LGALS9: variants seen among roughly 807,000 people sequenced by gnomAD.
LGALS9 encodes galectin 9, also known as galectin-9.
A neutral mutation model predicts 35.9 loss-of-function variants in LGALS9; 26 were observed. That is an observed-to-expected ratio of 0.72 (90% CI 0.53 to 1.01). The LOEUF (loss-of-function observed/expected upper bound fraction) is 1.01, where lower values mean the gene tolerates loss of function less well. LGALS9 is among the 50% of genes least tolerant of loss of function. The pLI is 0.00. For synonymous variants in LGALS9, 149 were observed against 172.2 expected (o/e 0.87, Z 1.06); for missense variants, 347 against 445.8 (o/e 0.78, Z 1.99).
chr17:27,643,505 G>C lies in LGALS9; in HGVS notation c.445-20G>C, dbSNP rs772413950. ...CTATTAATGCTTCTCCTCACTGCCC[G>C]GTGCCTTTTGTTTTAACAGAACCCC... On this transcript the variant is annotated intron_variant, in intron 4 of 10. Transcript: ENST00000395473. The C allele has an allele frequency of 5.0e-6, 8 of 1,611,358 alleles. No homozygotes were observed. Among genetic ancestry groups the C allele is most frequent in the Non-Finnish European group, 6.8e-6 (8 of 1,179,526 alleles).
In LGALS9 at chr17:27,647,474, T is replaced by C. The variant is rs184397623; in HGVS notation, c.921+42T>C. On this transcript the variant is annotated intron_variant, in intron 10 of 10. Transcript: ENST00000395473. Reference sequence around the variant, plus strand: ...TGGAGCTTGGAGAGGCTCCCATGGGTGCACAGGGGGAGGGGGTAAAGGAGG... The same window carrying C: ...TGGAGCTTGGAGAGGCTCCCATGGGCGCACAGGGGGAGGGGGTAAAGGAGG... The C allele has an allele frequency of 5.8e-5, 94 of 1,611,658 alleles. No homozygotes were observed. The East Asian group carries it at 1.2e-3, about 21-fold the overall frequency.
At chr17:27,646,467 T>C in intron 7 of LGALS9, 80 bp from the exon 8 acceptor site, 3 of 1,605,920 alleles carry the variant, frequency 1.9e-6, no homozygotes, top group Non-Finnish European at 2.6e-6. Context: ...GAGTCCTCTC[T>C]AGAACGCGTG....
At chr17:27,641,168 A>G in intron 3 of LGALS9, 1 of 368,260 alleles carries the variant, frequency 2.7e-6, no homozygotes, top group East Asian at 7.1e-5. Context: ...TAGTTTTGTA[A>G]GCACATTGCA....
Position 27,649,429 on chromosome 17 carries a change from C to T in LGALS9, c.*447C>T, listed in dbSNP as rs1003399738. 3 of 221,068 alleles carry T rather than the reference C, an allele frequency of 1.4e-5. No individual in the cohort carries two copies. The highest frequency in any genetic ancestry group is 2.7e-5 in the Non-Finnish European group (3 of 109,128). 13.7% of individuals were successfully genotyped at this position (221,068 alleles called of 1,614,324 possible). A position where few individuals can be genotyped will look rare whatever the true frequency, so the allele number is the denominator to read the frequency against. ...CCTTGCACCGTGCACCAACCCTTCACCCCTCCTGGAAAGCAGGCCTGATGG... is the reference window on the plus strand; with the variant it reads ...CCTTGCACCGTGCACCAACCCTTCATCCCTCCTGGAAAGCAGGCCTGATGG... On this transcript the variant is annotated 3_prime_UTR_variant, in exon 11 of 11. Coordinates refer to ENST00000395473, the MANE Select transcript of LGALS9 (RefSeq NM_009587.3).
At chr17:27,640,842 A>T in intron 3 of LGALS9, 69 bp downstream of exon 3, 1 of 1,592,808 alleles carries the variant, frequency 6.3e-7, no homozygotes, top group Non-Finnish European at 8.6e-7. Flanking sequence ...ATGGCCTTTA[A>T]GTAATCACCT....
intron 7 of LGALS9, 68 bp from the exon 8 acceptor site, chr17:27,646,479 G>T (rs530405181): frequency 6.1e-5 from 99 of 1,609,906 alleles, no homozygotes; most frequent in South Asian, 2.2e-4. Flanking sequence ...GAACGCGTGG[G>T]TGCGCCTGGG....
At chr17:27,646,861 C>T (rs1031162791) in intron 8 of LGALS9, among the ~76,000 whole-genome samples, 169 bp from the exon 9 acceptor site, 1 of 152,180 alleles carries the variant, frequency 6.6e-6, no homozygotes, top group African/African-American at 2.4e-5. Context: ...TTTCATGACA[C>T]TAATCTAAGC....
At chr17:27,632,535 G>T (rs999223258) in intron 1 of LGALS9, among the ~76,000 whole-genome samples, 1 of 152,248 alleles carries the variant, frequency 6.6e-6, no homozygotes, top group Non-Finnish European at 1.5e-5. Context: ...GCACAGAGGG[G>T]GCTGGGGGAA....
intron 1 of LGALS9, among the ~76,000 whole-genome samples, chr17:27,634,330 C>G (rs1342260841): frequency 6.6e-6 from 1 of 152,196 alleles, no homozygotes; most frequent in African/African-American, 2.4e-5. Flanking sequence ...AGGAGGATCT[C>G]CTTAATCCAG....
chr17:27,631,199 C>G lies in LGALS9; in HGVS notation c.-67C>G. On this transcript the variant is annotated 5_prime_UTR_variant, in exon 1 of 11. Coordinates refer to ENST00000395473, the MANE Select transcript of LGALS9 (RefSeq NM_009587.3). ...TTTGGTTTCTATTTCTTTGTTAAGT[C>G]GTTCCCTCTACAAAGGACTTCCTAG... 2 of 1,607,580 alleles carry G rather than the reference C, an allele frequency of 1.2e-6. No homozygotes were observed. The highest frequency in any genetic ancestry group is 1.7e-6 in the Non-Finnish European group (2 of 1,175,492).
At chr17:27,646,487 G>T (rs1219553911) in intron 7 of LGALS9, 60 bp from the exon 8 acceptor site, 2 of 1,611,276 alleles carry the variant, frequency 1.2e-6, no homozygotes, top group Non-Finnish European at 8.5e-7. Flanking sequence ...GGGTGCGCCT[G>T]GGTGAGTGCT....
intron 7 of LGALS9, among the ~76,000 whole-genome samples, 155 bp downstream of exon 7, chr17:27,646,066 A>G (rs1233162620): frequency 1.3e-5 from 2 of 152,212 alleles, no homozygotes; most frequent in African/African-American, 4.8e-5. Context: ...ACATGTGGCT[A>G]AAGCTGTCCT....
At position 27,640,698 on chromosome 17, in the gene LGALS9, G is replaced by A. The variant is rs765788746; in HGVS notation, c.258G>A (p.Glu86=). 7 of 1,614,130 alleles carry A rather than the reference G, an allele frequency of 4.3e-6. No individual in the cohort carries two copies. The Admixed American group carries it at 1.2e-4, about 27-fold the overall frequency. Residue 86 remains glutamate, a synonymous_variant, in exon 3 of 11, where the codon GAG becomes GAA. Transcript: ENST00000395473. The part of the protein sequence containing the change: ...TRQNGSWGPE[E]RKTHMPFQKG... ...AGAACGGAAGCTGGGGGCCCGAGGAGAGGAAGACACACATGCCTTTCCAGA... is the reference window on the plus strand; with the variant it reads ...AGAACGGAAGCTGGGGGCCCGAGGAAAGGAAGACACACATGCCTTTCCAGA...
chr17:27,642,102 C>T (rs779182570), intron 3 of LGALS9, 136 bp from the exon 4 acceptor site: 270 of 1,498,152 alleles, frequency 1.8e-4, no homozygotes, highest in Non-Finnish European at 2.3e-4. Flanking sequence ...GGGTCACACA[C>T]ACGTTCCTGT....
intron 3 of LGALS9, 131 bp downstream of exon 3, chr17:27,640,904 C>A (rs1904444718): frequency 7.2e-7 from 1 of 1,390,702 alleles, no homozygotes; most frequent in Non-Finnish European, 1.0e-6. Context: ...ACGCTCATTT[C>A]CTTGTGAGGT....
chr17:27,631,301 T>C lies in LGALS9; in HGVS notation c.36T>C (p.Ser12=), dbSNP rs766241939. The C allele has an allele frequency of 4.3e-6, 7 of 1,613,950 alleles. No individual in the cohort carries two copies. In the African/African-American group the frequency reaches 6.7e-5, roughly 15 times the overall value. The change falls in exon 1 of 11, where the codon AGT becomes AGC. Residue 12 remains serine, a synonymous_variant. Coordinates refer to ENST00000395473, the MANE Select transcript of LGALS9 (RefSeq NM_009587.3). ...AFSGSQAPYL[S]PAVPFSGTIQ... Reference sequence around the variant, plus strand: ...GCGGTTCCCAGGCTCCCTACCTGAGTCCAGTGAGTTCCAGGGCTATGGGCA... The same window carrying C: ...GCGGTTCCCAGGCTCCCTACCTGAGCCCAGTGAGTTCCAGGGCTATGGGCA...
intron 1 of LGALS9, among the ~76,000 whole-genome samples, chr17:27,638,009 C>T (rs2074473283): frequency 6.6e-6 from 1 of 152,168 alleles, no homozygotes; most frequent in African/African-American, 2.4e-5. Context: ...AGCTCAGCTC[C>T]CTGTCGCGTC....
chr17:27,642,983 G>T (rs776962471), intron 4 of LGALS9, among the ~76,000 whole-genome samples: 1 of 152,176 alleles, frequency 6.6e-6, no homozygotes, highest in Non-Finnish European at 1.5e-5. Flanking sequence ...TGGGAGAATT[G>T]CTTGAGCCCA....
rs759714453 is a variant in LGALS9, at chr17:27,648,816, A to G, written c.922-20A>G. 3 of 1,613,266 alleles carry G rather than the reference A, an allele frequency of 1.9e-6. No homozygotes were observed. In the East Asian group the frequency reaches 6.7e-5, roughly 36 times the overall value. On this transcript the variant is annotated intron_variant, in intron 10 of 10. Transcript: ENST00000395473. The stretch of plus-strand genomic sequence containing the variant: ...GGAGGACTTCCCAAGTGTAGTGCAA[A>G]CGGCATGATCTCTGCACAGGTGTGG...
Sources: gnomAD v4.1 joint callset for allele counts (sites outside exome capture counted in the v4.1 genomes callset) on GRCh38, gnomAD v4.1.1 for gene constraint, MANE v1.5 for transcripts, NCBI Gene and HGNC (gene_info 2026-07-23, HGNC 2026-07-21) for gene names.